The following GLIS3 variants were observed in gnomAD, a reference collection of about 807,000 sequenced individuals.
GLIS3 encodes zinc finger protein GLIS3.
A neutral mutation model predicts 78.6 loss-of-function variants in GLIS3; 53 were observed. That is an observed-to-expected ratio of 0.67 (90% CI 0.54 to 0.85). The LOEUF (loss-of-function observed/expected upper bound fraction) is 0.85, where lower values mean the gene tolerates loss of function less well. GLIS3 is among the 40% of genes least tolerant of loss of function. The probability of loss-of-function intolerance (pLI) is 0.00; values close to 1 mark genes in which losing one functional copy is unlikely to be tolerated. For missense variants in GLIS3, 1,703 were observed against 1,231.1 expected (o/e 1.38, Z -5.74); for synonymous variants, 684 against 509.9 (o/e 1.34, Z -4.60).
At chr9:3,876,481 C>T (rs975391733) in intron 8 of GLIS3, among the ~76,000 whole-genome samples, 3 of 150,312 alleles carry the variant, frequency 2.0e-5, no homozygotes, top group African/African-American at 7.4e-5. Context: ...TGTTAAATTT[C>T]CTGAGTATGA....
intron 4 of GLIS3, among the ~76,000 whole-genome samples, chr9:4,010,421 C>T (rs1376369740): frequency 1.3e-5 from 2 of 152,112 alleles, no homozygotes; most frequent in Non-Finnish European, 2.9e-5. Context: ...CATTCCTCTC[C>T]CCTTTAGAAG....
chr9:4,107,106 T>C (rs1191389103), intron 4 of GLIS3, among the ~76,000 whole-genome samples: 3 of 152,090 alleles, frequency 2.0e-5, no homozygotes, highest in African/African-American at 7.2e-5. Flanking sequence ...TAAATGGTCT[T>C]TAAAGCTCTT....
rs151204600 is a variant in GLIS3, at chr9:4,096,504, C to T, written c.1710+21264G>A. ...ATAATTTTTAAAGGTGGGGTTGGAG[C>T]TGGGGGTGGTGGAGTCCTTACTGAA... On this transcript the variant is annotated intron_variant, in intron 4 of 10. Coordinates refer to ENST00000381971, the MANE Select transcript of GLIS3 (RefSeq NM_001042413.2). 1.2e-3 allele frequency among the ~76,000 whole-genome samples: 178 copies of T among 152,266 alleles called. 1 individual carries two copies. The highest frequency in any genetic ancestry group is 4.0e-3 in the African/African-American group (167 of 41,556).
intron 2 of GLIS3, among the ~76,000 whole-genome samples, chr9:4,205,341 A>G (rs929149139): frequency 1.3e-5 from 2 of 152,202 alleles, no homozygotes; most frequent in Non-Finnish European, 2.9e-5. Flanking sequence ...AGGCTAAGCC[A>G]TGACTGGCTT....
chr9:3,984,930 C>A (rs1160779501), intron 4 of GLIS3, among the ~76,000 whole-genome samples: 7 of 152,098 alleles, frequency 4.6e-5, no homozygotes, highest in Admixed American at 3.9e-4. Context: ...CTGCTGCCAA[C>A]CATGTAAGAT....
the GLIS3 span, among the ~76,000 whole-genome samples, chr9:4,402,868 G>T: frequency 2.4e-4 from 37 of 152,140 alleles, no homozygotes; most frequent in African/African-American, 7.2e-4. Flanking sequence ...TTAAAGAAGA[G>T]ATGGAGCTAG....
the GLIS3 span, among the ~76,000 whole-genome samples, chr9:4,354,299 G>C: frequency 6.6e-6 from 1 of 152,140 alleles, no homozygotes; most frequent in African/African-American, 2.4e-5. Flanking sequence ...TTGTGTGTTT[G>C]AATGAGATTT....
intron 2 of GLIS3, among the ~76,000 whole-genome samples, chr9:4,203,008 A>G (rs1313247156): frequency 2.6e-5 from 4 of 152,270 alleles, no homozygotes; most frequent in Non-Finnish European, 5.9e-5. Flanking sequence ...CTATACGGCA[A>G]AAGAAATTAT....
intron 2 of GLIS3, among the ~76,000 whole-genome samples, chr9:4,324,216 A>G (rs1817572323): frequency 6.6e-6 from 1 of 152,228 alleles, no homozygotes; most frequent in South Asian, 2.1e-4. Flanking sequence ...CCCTCTTCTG[A>G]AAATGGGCTA....
chr9:3,902,856 CT>C (rs565666518), intron 6 of GLIS3, among the ~76,000 whole-genome samples: 6 of 152,174 alleles, frequency 3.9e-5, no homozygotes, highest in Non-Finnish European at 8.8e-5. Context: ...ACCTTACTAT[CT>C]CATCTTCCTT....
In GLIS3 at chr9:4,117,726, G is replaced by A. The variant is rs1336748561; in HGVS notation, c.1710+42C>T. 8 of 1,613,064 alleles carry A rather than the reference G, an allele frequency of 5.0e-6. No individual in the cohort carries two copies. In the South Asian group the frequency reaches 6.6e-5, roughly 13 times the overall value. On this transcript the variant is annotated intron_variant, in intron 4 of 10. Coordinates refer to ENST00000381971, the MANE Select transcript of GLIS3 (RefSeq NM_001042413.2). ...AAAACACACGTACGCAAAGCAAGCCGGGCCTTCAAGAGAGGTCACCCCTTG... is the reference window on the plus strand; with the variant it reads ...AAAACACACGTACGCAAAGCAAGCCAGGCCTTCAAGAGAGGTCACCCCTTG...
At chr9:4,427,362 C>G in the GLIS3 span, among the ~76,000 whole-genome samples, 2 of 152,100 alleles carry the variant, frequency 1.3e-5, no homozygotes, top group African/African-American at 2.4e-5. Context: ...TATTAGATGC[C>G]AGACACTGTG....
intron 4 of GLIS3, among the ~76,000 whole-genome samples, chr9:4,033,543 G>A (rs1184883787): frequency 2.0e-5 from 3 of 152,076 alleles, no homozygotes; most frequent in Non-Finnish European, 2.9e-5. Context: ...CCAGAATAGG[G>A]CCCTTCAAAG....
At chr9:3,889,234 T>C (rs1208527054) in intron 7 of GLIS3, among the ~76,000 whole-genome samples, 1 of 152,182 alleles carries the variant, frequency 6.6e-6, no homozygotes, top group Non-Finnish European at 1.5e-5. Flanking sequence ...GCCACGTTAG[T>C]CAGTGCTCCC....
chr9:4,164,861 C>T (rs932001813), intron 2 of GLIS3, among the ~76,000 whole-genome samples: 2 of 152,144 alleles, frequency 1.3e-5, no homozygotes, highest in Non-Finnish European at 2.9e-5. Flanking sequence ...CAAAAAGATG[C>T]TTAATCTTGA....
chr9:4,322,627 A>G (rs935269512), intron 2 of GLIS3, among the ~76,000 whole-genome samples: 8 of 152,110 alleles, frequency 5.3e-5, no homozygotes, highest in African/African-American at 1.9e-4. Flanking sequence ...ATGGTGTCTC[A>G]CTGTGTTTTT....
intron 4 of GLIS3, among the ~76,000 whole-genome samples, chr9:4,059,829 T>TGTGAGAGAGAGAGAGA: frequency 1.5e-4 from 15 of 100,710 alleles, no homozygotes; most frequent in African/African-American, 5.1e-4. Flanking sequence ...TGTGTGTGTG[T>TGTGAGAGAGAGAGAGA]GAGAGAGAGA....
intron 7 of GLIS3, among the ~76,000 whole-genome samples, chr9:3,897,134 T>C (rs1436203545): frequency 2.0e-5 from 3 of 152,160 alleles, no homozygotes; most frequent in Non-Finnish European, 2.9e-5. Context: ...TCCATAGATA[T>C]GGATAGCATT....
chr9:4,456,008 T>C, the GLIS3 span, among the ~76,000 whole-genome samples: 17 of 152,060 alleles, frequency 1.1e-4, no homozygotes, highest in Non-Finnish European at 2.5e-4. Flanking sequence ...CTCAGGAGGC[T>C]GAGGCAGGAG....
Sources: gnomAD v4.1 joint callset for allele counts (sites outside exome capture counted in the v4.1 genomes callset) on GRCh38, gnomAD v4.1.1 for gene constraint, MANE v1.5 for transcripts, NCBI Gene and HGNC (gene_info 2026-07-23, HGNC 2026-07-21) for gene names.